The following SRGAP1 variants were observed in gnomAD, a reference collection of about 807,000 sequenced individuals.
SRGAP1 encodes SLIT-ROBO Rho GTPase-activating protein 1.
In SRGAP1, 43 loss-of-function variants were observed where a neutral mutation model predicts 121.9. The ratio of observed to expected loss-of-function variants is 0.35; its 90% CI spans 0.28 to 0.46. The LOEUF is 0.46. SRGAP1 is among the 20% of genes least tolerant of loss of function. The probability of loss-of-function intolerance (pLI) is 1.00; values close to 1 mark genes in which losing one functional copy is unlikely to be tolerated. For missense variants in SRGAP1, 1,102 were observed against 1,350.9 expected (o/e 0.82, Z 2.89); for synonymous variants, 447 against 485.4 (o/e 0.92, Z 1.04).
In SRGAP1 at chr12:64,149,245, G is replaced by T. The variant is rs1469333009; in HGVS notation, c.*6573G>T. On this transcript the variant is annotated 3_prime_UTR_variant, in exon 22 of 22. Coordinates refer to ENST00000355086, the MANE Select transcript of SRGAP1 (RefSeq NM_020762.4). ...TGTTGAACTAACCTGTTGACCGGAA[G>T]GCCTACTCAAAGGCAAGGATACTTT... 1 of 152,166 alleles carries T rather than the reference G, an allele frequency of 6.6e-6. No individual in the cohort carries two copies. The highest frequency in any genetic ancestry group is 2.4e-5 in the African/African-American group (1 of 41,424). The allele number at this position is 152,166 out of a possible 1,614,324, so 9.4% of individuals were successfully genotyped here.
chr12:64,088,326 TCTC>T (rs1427635160), intron 11 of SRGAP1, among the ~76,000 whole-genome samples: 1 of 152,218 alleles, frequency 6.6e-6, no homozygotes, highest in Non-Finnish European at 1.5e-5. Context: ...ACCTATAGCA[TCTC>T]CTTGCACTAT....
At chr12:63,989,850 A>T in intron 2 of SRGAP1, 60 bp from the exon 3 acceptor site, 1 of 1,382,670 alleles carries the variant, frequency 7.2e-7, no homozygotes. Flanking sequence ...TGGTGACTTC[A>T]CTCATCTGAT....
At chr12:63,919,145 C>A (rs1044470870) in intron 1 of SRGAP1, among the ~76,000 whole-genome samples, 1 of 152,138 alleles carries the variant, frequency 6.6e-6, no homozygotes, top group African/African-American at 2.4e-5. Flanking sequence ...CTCCGCCTCA[C>A]GGATTGGAGT....
intron 20 of SRGAP1, 43 bp downstream of exon 20, chr12:64,127,767 C>G (rs755561288): frequency 4.4e-6 from 7 of 1,608,360 alleles, no homozygotes; most frequent in Non-Finnish European, 4.3e-6. Flanking sequence ...CTCCGCTCCT[C>G]CTGGGGCCAT....
chr12:64,051,800 ATC>A (rs2035244383), intron 6 of SRGAP1, among the ~76,000 whole-genome samples: 1 of 151,946 alleles, frequency 6.6e-6, no homozygotes, highest in African/African-American at 2.4e-5. Flanking sequence ...TTTTCTCTGT[ATC>A]TCTCTGAGAA....
At chr12:64,104,797 C>T (rs1413875019) in intron 15 of SRGAP1, among the ~76,000 whole-genome samples, 1 of 152,092 alleles carries the variant, frequency 6.6e-6, no homozygotes, top group African/African-American at 2.4e-5. Flanking sequence ...CCTCATATAA[C>T]TTTATCTAGT....
At position 64,115,880 on chromosome 12, in the gene SRGAP1, C is replaced by G. The variant is rs1242881408; in HGVS notation, c.2211C>G (p.His737Gln). ...ACCAAGATGCTGGTACAGAGCCCCA[C>G]ACAAGTGAAGATGGTATGCTCTCCC... Reference protein sequence around the residue: ...EVDQDAGTEPHTSEDECEPIE... With the variant: ...EVDQDAGTEPQTSEDECEPIE... The change falls in exon 18 of 22, where the codon CAC becomes CAG. Residue 737 changes from histidine (H) to glutamine (Q), a missense_variant. Transcript: ENST00000355086. The G allele has an allele frequency of 6.2e-7, 1 of 1,612,524 alleles. No individual in the cohort carries two copies. The highest frequency in any genetic ancestry group is 1.3e-5 in the African/African-American group (1 of 74,902).
chr12:64,063,943 A>T (rs181225930), intron 7 of SRGAP1, among the ~76,000 whole-genome samples: 13 of 151,506 alleles, frequency 8.6e-5, no homozygotes, highest in Admixed American at 7.9e-4. Flanking sequence ...TTTTATATAT[A>T]TTTTATATAT....
chr12:63,907,933 G>T (rs141993013), intron 1 of SRGAP1, among the ~76,000 whole-genome samples: 85 of 152,272 alleles, frequency 5.6e-4, no homozygotes, highest in African/African-American at 2.0e-3. Context: ...ATATCCAGTT[G>T]TGCAGCACCA....
intron 15 of SRGAP1, among the ~76,000 whole-genome samples, chr12:64,102,347 A>G (rs911947574): frequency 1.6e-4 from 24 of 152,368 alleles, no homozygotes; most frequent in African/African-American, 4.8e-4. Context: ...CGTTTTTAGT[A>G]TCTTTCCAGA....
At chr12:63,950,157 A>G (rs150954146) in intron 1 of SRGAP1, among the ~76,000 whole-genome samples, 16 of 152,196 alleles carry the variant, frequency 1.1e-4, no homozygotes, top group Admixed American at 2.6e-4. Flanking sequence ...ATTGAAAGAC[A>G]TATCTTCTCA....
chr12:64,043,383 TTCTC>T (rs1281716381), intron 5 of SRGAP1, 60 bp from the exon 6 acceptor site: 3 of 1,497,604 alleles, frequency 2.0e-6, no homozygotes, highest in Non-Finnish European at 1.8e-6. Context: ...GCATGTATGT[TTCTC>T]TGTCTTGATT....
chr12:64,094,162 T>C (rs377433831), intron 12 of SRGAP1, among the ~76,000 whole-genome samples: 3 of 152,144 alleles, frequency 2.0e-5, no homozygotes, highest in African/African-American at 7.2e-5. Flanking sequence ...TTTAACTTCA[T>C]GGAGTACATG....
chr12:64,084,286 A>G (rs1208444072), intron 10 of SRGAP1, among the ~76,000 whole-genome samples: 1 of 152,194 alleles, frequency 6.6e-6, no homozygotes, highest in Non-Finnish European at 1.5e-5. Context: ...TGAACCAAGA[A>G]CAAGTTAAGC....
intron 3 of SRGAP1, among the ~76,000 whole-genome samples, chr12:64,004,736 A>AGAAGATG (rs755186794): frequency 2.4e-4 from 37 of 152,362 alleles, no homozygotes; most frequent in Non-Finnish European, 4.0e-4. Flanking sequence ...CATCTGAGAA[A>AGAAGATG]GAAGATGCTG....
At chr12:63,973,581 C>T (rs1275294547) in intron 1 of SRGAP1, among the ~76,000 whole-genome samples, 2 of 152,064 alleles carry the variant, frequency 1.3e-5, no homozygotes, top group Non-Finnish European at 2.9e-5. Flanking sequence ...AATAAATATT[C>T]TTTTATTAGA....
chr12:63,870,656 C>T (rs563439640), intron 1 of SRGAP1, among the ~76,000 whole-genome samples: 4 of 151,128 alleles, frequency 2.6e-5, no homozygotes, highest in African/African-American at 9.7e-5. Flanking sequence ...TCTCCTGCGT[C>T]AACCTCCTGA....
intron 1 of SRGAP1, among the ~76,000 whole-genome samples, chr12:63,869,169 C>T (rs1160586858): frequency 6.6e-6 from 1 of 152,146 alleles, no homozygotes; most frequent in Non-Finnish European, 1.5e-5. Context: ...TATTTGTTGG[C>T]TCACAGTTCT....
Position 64,151,020 on chromosome 12 carries a change from T to C in SRGAP1, c.*8348T>C, listed in dbSNP as rs1342799212. 6.6e-6 allele frequency: 1 copy of C among 150,852 alleles called. No individual in the cohort carries two copies. The highest frequency in any genetic ancestry group is 1.5e-5 in the Non-Finnish European group (1 of 67,854). The allele number at this position is 150,852 out of a possible 1,614,324, so 9.3% of individuals were successfully genotyped here. On this transcript the variant is annotated 3_prime_UTR_variant, in exon 22 of 22. Transcript: ENST00000355086. ...AATTTTGGTCTGTAAGCCCAAAGATTGTTACTGTGTTAGTAACTAAATATT... is the reference window on the plus strand; with the variant it reads ...AATTTTGGTCTGTAAGCCCAAAGATCGTTACTGTGTTAGTAACTAAATATT...
Sources: allele counts gnomAD v4.1 joint callset (sites outside exome capture counted in the v4.1 genomes callset), GRCh38; gene constraint gnomAD v4.1.1; transcripts MANE v1.5; gene names NCBI Gene and HGNC (gene_info 2026-07-23, HGNC 2026-07-21).